The following TRRAP variants were observed in gnomAD, a reference collection of about 807,000 sequenced individuals.
The protein encoded by TRRAP is transformation/transcription domain-associated protein.
TRRAP carries 41 observed loss-of-function variants against 438.8 expected under a neutral mutation model. That is an observed-to-expected ratio of 0.09 (90% CI 0.07 to 0.12). The LOEUF is 0.12. Ranked by LOEUF, TRRAP falls within the 10% of genes least tolerant of loss-of-function variation. The pLI is 1.00. For synonymous variants in TRRAP, 1,994 were observed against 1,962.9 expected (o/e 1.02, Z -0.42); for missense variants, 3,122 against 5,055.1 (o/e 0.62, Z 11.60).
intron 68 of TRRAP, among the ~76,000 whole-genome samples, chr7:99,004,728 T>G (rs1336210449): frequency 6.6e-6 from 1 of 152,222 alleles, no homozygotes; most frequent in African/African-American, 2.4e-5. Flanking sequence ...CAGAATCAGA[T>G]GATTGTAGCA....
chr7:98,964,664 A>G lies in TRRAP; in HGVS notation c.6865A>G (p.Asn2289Asp). The stretch of plus-strand genomic sequence containing the variant: ...GATCCTCAAGTCTGCCTGCAGCAAC[A>G]ACCCCAGCTACATAGACAGGCTGAT... ...LMILKSACSN[N>D]PSYIDRLISV... The change falls in exon 48 of 73, where the codon AAC (asparagine) becomes GAC (aspartate). Residue 2289 changes from asparagine (N) to aspartate (D), a missense_variant. Around this residue, in one of 24 missense-constraint regions of TRRAP, gnomAD observed 992 missense variants for 1,281.2 expected, o/e 0.77. Coordinates refer to ENST00000456197, the MANE Select transcript of TRRAP (RefSeq NM_001375524.1). The G allele has an allele frequency of 6.2e-7, 1 of 1,613,960 alleles. No individual in the cohort carries two copies.
chr7:99,006,569 A>G (rs1304217331), intron 69 of TRRAP, among the ~76,000 whole-genome samples: 1 of 152,212 alleles, frequency 6.6e-6, no homozygotes, highest in Non-Finnish European at 1.5e-5. Context: ...ACGCCAGGAC[A>G]GCAAGCCATC....
chr7:98,953,649 G>C (rs1361203791), intron 40 of TRRAP, among the ~76,000 whole-genome samples: 1 of 152,184 alleles, frequency 6.6e-6, no homozygotes, highest in Non-Finnish European at 1.5e-5. Context: ...GTTGGGGAGA[G>C]GGGGTGGGGA....
intron 33 of TRRAP, among the ~76,000 whole-genome samples, chr7:98,947,098 C>T (rs1219654597): frequency 6.6e-6 from 1 of 152,210 alleles, no homozygotes; most frequent in East Asian, 1.9e-4. Context: ...CTTCTTACCC[C>T]GAGGATCGCA....
rs782141262 is a variant in TRRAP at position 98,950,285 on chromosome 7, A to G, written c.5334+23A>G. The stretch of plus-strand genomic sequence containing the variant: ...AAAGTGAGTCCCACTCTTATGCTGT[A>G]GAAGGGTATGGGTATTTGGTCTGGT... On this transcript the variant is annotated intron_variant, in intron 38 of 72. Transcript: ENST00000456197. 48 of 1,613,624 alleles carry G rather than the reference A, an allele frequency of 3.0e-5. No individual in the cohort carries two copies. The East Asian group carries it at 3.3e-4, about 11-fold the overall frequency.
In TRRAP at chr7:98,976,319, G is replaced by C; in HGVS notation, c.7959+51G>C. 1 of 1,606,796 alleles carries C rather than the reference G, an allele frequency of 6.2e-7. No individual in the cohort carries two copies. The highest frequency in any genetic ancestry group is 8.5e-7 in the Non-Finnish European group (1 of 1,176,660). ...TTGGAAAATTGTAGTTTTAGCTTTTGGTAAGTATTCATAAAAGAACACAGT... is the reference window on the plus strand; with the variant it reads ...TTGGAAAATTGTAGTTTTAGCTTTTCGTAAGTATTCATAAAAGAACACAGT... On this transcript the variant is annotated intron_variant, in intron 54 of 72. Transcript: ENST00000456197. This position sits in a 1 kb window ranked among gnomAD's most constrained non-coding sequence, Gnocchi z 4.6.
At chr7:98,939,295 AT>A (rs1790689873) in intron 30 of TRRAP, among the ~76,000 whole-genome samples, 3 of 152,218 alleles carry the variant, frequency 2.0e-5, no homozygotes, top group Admixed American at 1.3e-4. Flanking sequence ...AGATTGCATT[AT>A]GTAGAGAGAG....
At chr7:98,970,004 C>A in intron 51 of TRRAP, 108 bp from the exon 52 acceptor site, 2 of 1,350,284 alleles carry the variant, frequency 1.5e-6, no homozygotes, top group Non-Finnish European at 2.0e-6. Context: ...CATACTTGGA[C>A]CTGCAGAGTC....
chr7:98,932,200 G>A (rs1790354377), intron 26 of TRRAP, among the ~76,000 whole-genome samples: 1 of 151,908 alleles, frequency 6.6e-6, no homozygotes, highest in Non-Finnish European at 1.5e-5. Context: ...TGCAAGCTCT[G>A]CCTCCCAGGT....
At chr7:98,936,855 A>T (rs149214704) in intron 28 of TRRAP, among the ~76,000 whole-genome samples, 13 of 152,298 alleles carry the variant, frequency 8.5e-5, no homozygotes, top group African/African-American at 2.9e-4. Context: ...GACCATGTGT[A>T]CTTTTGTCTT....
intron 21 of TRRAP, among the ~76,000 whole-genome samples, chr7:98,922,288 G>A (rs782084371): frequency 1.3e-5 from 2 of 152,182 alleles, no homozygotes; most frequent in South Asian, 2.1e-4. Context: ...GCAGCCACAC[G>A]CAGTGCCTCG....
intron 67 of TRRAP, chr7:98,999,961 G>GA (rs1793840837): frequency 9.1e-6 from 2 of 220,820 alleles, no homozygotes; most frequent in African/African-American, 2.3e-5. Context: ...ATAACAATCA[G>GA]AAAAAAAGGA....
intron 53 of TRRAP, among the ~76,000 whole-genome samples, chr7:98,973,079 T>C (rs1252513844): frequency 6.6e-6 from 1 of 152,190 alleles, no homozygotes; most frequent in South Asian, 2.1e-4. Context: ...TCCCAGGTTC[T>C]AGCGATTCTC....
At chr7:98,930,229 C>A (rs782191504) in intron 24 of TRRAP, 23 bp downstream of exon 24, 1 of 1,612,416 alleles carries the variant, frequency 6.2e-7, no homozygotes, top group South Asian at 1.1e-5. Flanking sequence ...TGAGGAGTGT[C>A]TTCTGATTTG....
intron 51 of TRRAP, among the ~76,000 whole-genome samples, 154 bp from the exon 52 acceptor site, chr7:98,969,958 G>A (rs1192414928): frequency 6.6e-6 from 1 of 152,090 alleles, no homozygotes; most frequent in Non-Finnish European, 1.5e-5. Context: ...GAGGAAGCCC[G>A]TCTGGTTGGG....
chr7:98,942,135 T>A (rs1428326273), intron 30 of TRRAP, among the ~76,000 whole-genome samples: 1 of 152,234 alleles, frequency 6.6e-6, no homozygotes, highest in African/African-American at 2.4e-5. Context: ...GGAGCCTGGC[T>A]ACCAGGTGCC....
intron 70 of TRRAP, 94 bp from the exon 71 acceptor site, chr7:99,010,958 T>G (rs1013664636): frequency 2.9e-4 from 375 of 1,284,108 alleles, no homozygotes; most frequent in Non-Finnish European, 3.7e-4. Context: ...TTGCTCTTGG[T>G]GCTAAGTTAA....
At chr7:98,995,691 C>T (rs1793620353) in intron 67 of TRRAP, among the ~76,000 whole-genome samples, 1 of 149,818 alleles carries the variant, frequency 6.7e-6, no homozygotes, top group African/African-American at 2.5e-5. Context: ...CCTTGCACCC[C>T]CATCCCATCA....
chr7:98,982,296 A>G lies in TRRAP; in HGVS notation c.8826+336A>G, dbSNP rs117385982. Among the ~76,000 whole-genome samples, 1,129 of 152,242 alleles carry G rather than the reference A, an allele frequency of 7.4e-3. 44 individuals are homozygous for G. The highest frequency in any genetic ancestry group is 0.061 in the Admixed American group (929 of 15,280). ...CAAGCTTTTGGCGGGAGCTGGAGGGACAGGGTTAGGAAATGTTTTCCGAAA... is the reference window on the plus strand; with the variant it reads ...CAAGCTTTTGGCGGGAGCTGGAGGGGCAGGGTTAGGAAATGTTTTCCGAAA... On this transcript the variant is annotated intron_variant, in intron 59 of 72. Transcript: ENST00000456197.
Sources: gnomAD v4.1 joint callset for allele counts (sites outside exome capture counted in the v4.1 genomes callset) on GRCh38, gnomAD v4.1.1 for gene constraint, gnomAD v4.1.1 regional missense constraint, Gnocchi (gnomAD v3.1) non-coding constraint, MANE v1.5 for transcripts, NCBI Gene and HGNC (gene_info 2026-07-23, HGNC 2026-07-21) for gene names.